The following SHISA9 variants were observed in gnomAD, a reference collection of about 807,000 sequenced individuals.
SHISA9 encodes the protein protein shisa-9.
SHISA9 carries 13 observed loss-of-function variants against 38.0 expected under a neutral mutation model. The observed-to-expected ratio is 0.34, with a 90% CI of 0.22 to 0.54. The LOEUF (loss-of-function observed/expected upper bound fraction) is 0.54, where lower values mean the gene tolerates loss of function less well. Ranked by LOEUF, SHISA9 falls within the 20% of genes least tolerant of loss-of-function variation. SHISA9 has a pLI of 0.91. For missense variants in SHISA9, 538 were observed against 575.8 expected, an observed-to-expected ratio of 0.93 and a Z score of 0.67; for synonymous variants, 275 against 242.0, an observed-to-expected ratio of 1.14 and a Z score of -1.27.
At chr16:13,068,971 G>A (rs930224738) in intron 2 of SHISA9, among the ~76,000 whole-genome samples, 2 of 152,020 alleles carry the variant, frequency 1.3e-5, no homozygotes, top group Non-Finnish European at 2.9e-5. Context: ...ATGCATGTAT[G>A]TATATATGTG....
chr16:13,502,451 C>G, the SHISA9 span, among the ~76,000 whole-genome samples: 1 of 152,250 alleles, frequency 6.6e-6, no homozygotes, highest in African/African-American at 2.4e-5. Context: ...CATGGCATAC[C>G]AATCATTTAT....
chr16:13,086,244 G>A (rs1402693462), intron 2 of SHISA9, among the ~76,000 whole-genome samples: 1 of 150,822 alleles, frequency 6.6e-6, no homozygotes, highest in Non-Finnish European at 1.5e-5. Context: ...AGTCTCCGTG[G>A]CTTGGGAGGC....
chr16:13,382,598 C>T, the SHISA9 span, among the ~76,000 whole-genome samples: 1 of 151,028 alleles, frequency 6.6e-6, no homozygotes, highest in African/African-American at 2.4e-5. Flanking sequence ...TGTAATCCCA[C>T]CTGTAATCCC....
chr16:13,077,005 C>G (rs1266853472), intron 2 of SHISA9, among the ~76,000 whole-genome samples: 1 of 152,136 alleles, frequency 6.6e-6, no homozygotes, highest in Non-Finnish European at 1.5e-5. Context: ...AGGCAAGAAG[C>G]AAAATCCCAC....
chr16:13,080,299 G>A (rs962596855), intron 2 of SHISA9, among the ~76,000 whole-genome samples: 13 of 152,308 alleles, frequency 8.5e-5, no homozygotes, highest in African/African-American at 2.9e-4. Flanking sequence ...CATGAACCCG[G>A]GAGGTGGAGC....
Position 13,239,212 on chromosome 16 carries a change from A to T in SHISA9, c.*3803A>T, listed in dbSNP as rs2051414762. The T allele has an allele frequency of 6.6e-6, 1 of 151,856 alleles. No individual in the cohort carries two copies. The highest frequency in any genetic ancestry group is 1.5e-5 in the Non-Finnish European group (1 of 67,982). 9.4% of individuals were successfully genotyped at this position (151,856 alleles called of 1,614,324 possible). On this transcript the variant is annotated 3_prime_UTR_variant, in exon 5 of 5. Transcript: ENST00000558583. ...TAGTATTCCATGGTGTATATGTGCC[A>T]CATTTTCTTAATCCAGTCTATCCTT...
At chr16:13,340,862 C>T in the SHISA9 span, among the ~76,000 whole-genome samples, 1 of 152,078 alleles carries the variant, frequency 6.6e-6, no homozygotes, top group African/African-American at 2.4e-5. Flanking sequence ...GAACACAAGC[C>T]CACTCTCCAC....
intron 2 of SHISA9, among the ~76,000 whole-genome samples, chr16:12,985,396 T>A (rs934213618): frequency 1.2e-4 from 18 of 152,132 alleles, no homozygotes; most frequent in African/African-American, 3.4e-4. Context: ...TTCTGAAACT[T>A]GCTGAGTCTC....
At chr16:13,390,205 A>T in the SHISA9 span, among the ~76,000 whole-genome samples, 19 of 152,258 alleles carry the variant, frequency 1.2e-4, no homozygotes, top group African/African-American at 4.6e-4. Flanking sequence ...CAGGTGCACC[A>T]GAAGCAAGCA....
the SHISA9 span, among the ~76,000 whole-genome samples, chr16:13,358,049 T>C: frequency 2.6e-5 from 4 of 152,190 alleles, no homozygotes; most frequent in Non-Finnish European, 5.9e-5. Context: ...GGCTTGGGCT[T>C]AGAGGCCTGA....
At chr16:13,432,794 C>T in the SHISA9 span, among the ~76,000 whole-genome samples, 4 of 152,118 alleles carry the variant, frequency 2.6e-5, no homozygotes, top group Admixed American at 2.0e-4. Context: ...GGCCATTATC[C>T]TTAGCAAACT....
intron 2 of SHISA9, among the ~76,000 whole-genome samples, chr16:12,998,856 A>G (rs1332665970): frequency 6.6e-6 from 1 of 152,184 alleles, no homozygotes; most frequent in Non-Finnish European, 1.5e-5. Context: ...AGTACAGTTG[A>G]TCCTCATTAT....
downstream of SHISA9, among the ~76,000 whole-genome samples, chr16:13,243,777 T>G (rs1339389020): frequency 6.9e-6 from 1 of 145,854 alleles, no homozygotes; most frequent in African/African-American, 2.5e-5. Flanking sequence ...GCGTTTTTTT[T>G]TTTTTTTTTT....
chr16:13,121,258 G>A (rs148276185), intron 2 of SHISA9, among the ~76,000 whole-genome samples: 3,769 of 152,264 alleles, frequency 0.025, 68 homozygotes, highest in Non-Finnish European at 0.041. Context: ...GGAGGCTGAC[G>A]TGGGAGGATC....
intron 3 of SHISA9, among the ~76,000 whole-genome samples, chr16:13,204,046 C>A (rs761920718): frequency 1.3e-5 from 2 of 152,144 alleles, no homozygotes; most frequent in Non-Finnish European, 2.9e-5. Flanking sequence ...ATCATCCATC[C>A]ATCCATCCTT....
At chr16:13,146,125 GGTTGCA>G (rs1393002570) in intron 2 of SHISA9, among the ~76,000 whole-genome samples, 1 of 152,330 alleles carries the variant, frequency 6.6e-6, no homozygotes, top group East Asian at 1.9e-4. Context: ...GGGAGGGGAA[GGTTGCA>G]GTGAGCCGAG....
intron 2 of SHISA9, among the ~76,000 whole-genome samples, chr16:12,968,024 T>C (rs1454969804): frequency 6.6e-6 from 1 of 151,872 alleles, no homozygotes; most frequent in Non-Finnish European, 1.5e-5. Context: ...ACCTCATCTC[T>C]ACTAAAAATA....
At chr16:13,443,182 C>A in the SHISA9 span, among the ~76,000 whole-genome samples, 1 of 152,164 alleles carries the variant, frequency 6.6e-6, no homozygotes, top group Non-Finnish European at 1.5e-5. Context: ...CCAACTGTAC[C>A]AAATATAATG....
the SHISA9 span, among the ~76,000 whole-genome samples, chr16:13,296,609 A>T: frequency 6.6e-6 from 1 of 152,194 alleles, no homozygotes; most frequent in South Asian, 2.1e-4. Context: ...TTGCAATATT[A>T]TTCCCTTTTT....
Sources: gnomAD v4.1 joint callset for allele counts (sites outside exome capture counted in the v4.1 genomes callset) on GRCh38, gnomAD v4.1.1 for gene constraint, MANE v1.5 for transcripts, NCBI Gene and HGNC (gene_info 2026-07-23, HGNC 2026-07-21) for gene names.